PINK1: variants seen among roughly 807,000 people sequenced by gnomAD.
PINK1 encodes the protein PTEN induced kinase 1.
PINK1 carries 58 observed loss-of-function variants against 56.0 expected under a neutral mutation model. That is an observed-to-expected ratio of 1.04 (90% CI 0.84 to 1.29). The LOEUF is 1.29. Ranked by LOEUF, PINK1 falls within the 50% of genes most tolerant of loss-of-function variation. PINK1 has a pLI of 0.00. For synonymous variants in PINK1, 354 were observed against 339.3 expected, an observed-to-expected ratio of 1.04 and a Z score of -0.48; for missense variants, 745 against 777.9, an observed-to-expected ratio of 0.96 and a Z score of 0.50.
At chr1:20,645,748 G>A (rs2053172448) in intron 5 of PINK1, 25 bp downstream of exon 5, 2 of 1,613,884 alleles carry the variant, frequency 1.2e-6, no homozygotes, top group Admixed American at 1.7e-5. Context: ...CACCATCAGA[G>A]CTCTCCAGGG....
rs1412577584 is a variant in PINK1, at chr1:20,645,592, T to C, written c.992T>C (p.Val331Ala). 2 of 1,613,848 alleles carry C rather than the reference T, an allele frequency of 1.2e-6. No homozygotes were observed. Among genetic ancestry groups the C allele is most frequent in the African/African-American group, 1.3e-5 (1 of 74,850 alleles). The part of the protein sequence containing the change: ...YPCTLRQYLC[V>A]NTPSPRLAAM... ...TGTACCCTGCGCCAGTACCTTTGTG[T>C]GAACACACCCAGCCCCCGCCTCGCC... The change falls in exon 5 of 8, where the codon GTG (valine) becomes GCG (alanine). Residue 331 changes from valine (V) to alanine (A), a missense_variant. Coordinates refer to ENST00000321556, the MANE Select transcript of PINK1 (RefSeq NM_032409.3).
At chr1:20,643,185 C>T (rs2053135346) in intron 3 of PINK1, 1 of 152,310 alleles carries the variant, frequency 6.6e-6, no homozygotes, top group African/African-American at 2.4e-5. Context: ...TTCGTCCAAC[C>T]ATCTGGGTCT....
rs760248764 is a variant in PINK1, at chr1:20,645,542, C to G, written c.960-18C>G. ...CGTCGATGTGTGGTAGCCAGAGGCC[C>G]TCTCCCCTCTCCGCCAGCTATCCCT... On this transcript the variant is annotated intron_variant, in intron 4 of 7. Coordinates refer to ENST00000321556, the MANE Select transcript of PINK1 (RefSeq NM_032409.3). 3.1e-6 allele frequency: 5 copies of G among 1,612,132 alleles called. No individual in the cohort carries two copies. The highest frequency in any genetic ancestry group is 4.2e-6 in the Non-Finnish European group (5 of 1,179,720).
intron 7 of PINK1, chr1:20,649,886 A>G (rs1277538879): frequency 5.4e-6 from 1 of 183,940 alleles, no homozygotes; most frequent in African/African-American, 2.3e-5. Flanking sequence ...GATGGAAAAC[A>G]TCTCCTGAGA....
chr1:20,647,659 C>T lies in PINK1; in HGVS notation c.1124-846C>T, dbSNP rs546973979. 4.0e-5 allele frequency among the ~76,000 whole-genome samples: 6 copies of T among 151,000 alleles called. No individual in the cohort carries two copies. The South Asian group carries it at 1.1e-3, about 27-fold the overall frequency. The stretch of plus-strand genomic sequence containing the variant: ...CTGATTTTTGTATTTTTAGTAGAGA[C>T]GGGGTTTCACCATGTTGGTCAGGCT... On this transcript the variant is annotated intron_variant, in intron 5 of 7. Transcript: ENST00000321556.
chr1:20,643,401 C>G (rs955302900), intron 3 of PINK1, among the ~76,000 whole-genome samples: 1 of 152,248 alleles, frequency 6.6e-6, no homozygotes, highest in African/African-American at 2.4e-5. Context: ...GACACTACCA[C>G]TACTAGCTGC....
At position 20,633,708 on chromosome 1, in the gene PINK1, G is replaced by A. The variant is rs748343847; in HGVS notation, c.160G>A (p.Ala54Thr). ...ERPGWAAGPGAEPRRVGLGLP... is the reference protein window; with the variant it reads ...ERPGWAAGPGTEPRRVGLGLP... ...TCCAGGCTGGGCCGCAGGACCGGGC[G>A]CGGAGCCTCGCAGGGTCGGGCTCGG... is the stretch of plus-strand genomic sequence containing the variant. Residue 54 changes from alanine to threonine, a missense_variant, in exon 1 of 8, where the codon GCG (alanine) becomes ACG (threonine). Transcript: ENST00000321556. 1.6e-5 allele frequency: 25 copies of A among 1,518,340 alleles called. 1 individual carries two copies. In the South Asian group the frequency reaches 3.0e-4, roughly 18 times the overall value. The allele number at this position is 1,518,340 out of a possible 1,614,324, so 94.1% of individuals were successfully genotyped here.
intron 5 of PINK1, among the ~76,000 whole-genome samples, chr1:20,646,409 G>A (rs1271366201): frequency 1.3e-5 from 2 of 152,134 alleles, no homozygotes; most frequent in Non-Finnish European, 2.9e-5. Flanking sequence ...ACTTTGAGAG[G>A]CTGAGGCGGG....
At position 20,639,912 on chromosome 1, in the gene PINK1, C is replaced by T. The variant is rs1205162802; in HGVS notation, c.696C>T (p.Ala232=). The change falls in exon 3 of 8, where the codon GCC becomes GCT. Residue 232 remains alanine (A), a synonymous_variant. Transcript: ENST00000321556. The stretch of plus-strand genomic sequence containing the variant: ...TCCAGGCAGGTTCCTCCAGCGAAGC[C>T]ATCTTGAACACAATGAGCCAGGAGC... ...WNISAGSSSE[A]ILNTMSQELV... The T allele has an allele frequency of 9.3e-6, 15 of 1,613,018 alleles. No individual in the cohort carries two copies. Among genetic ancestry groups the T allele is most frequent in the Non-Finnish European group, 1.1e-5 (13 of 1,179,710 alleles).
intron 3 of PINK1, among the ~76,000 whole-genome samples, chr1:20,643,388 G>C (rs1035030394): frequency 2.0e-4 from 30 of 152,266 alleles, no homozygotes; most frequent in African/African-American, 6.8e-4. Flanking sequence ...AGGGCAGGCA[G>C]ATGACACTAC....
intron 2 of PINK1, 158 bp from the exon 3 acceptor site, chr1:20,639,734 T>C: frequency 1.4e-6 from 1 of 703,640 alleles, no homozygotes; most frequent in Non-Finnish European, 2.6e-6. Context: ...CAGGAGTAAC[T>C]AGTCTCAGCC....
chr1:20,651,193 C>T lies in PINK1; in HGVS notation c.*502C>T, dbSNP rs979749634. 5.5e-6 allele frequency: 1 copy of T among 183,460 alleles called. No homozygotes were observed. The highest frequency in any genetic ancestry group is 1.2e-5 in the Non-Finnish European group (1 of 85,362). The allele number at this position is 183,460 out of a possible 1,614,324, so 11.4% of individuals were successfully genotyped here. A position where few individuals can be genotyped will look rare whatever the true frequency, so the allele number is the denominator to read the frequency against. ...GGACCAGCTACTGAATTATTAATCTCACTTAGCGAAAGTGACGGATGAGCA... is the reference window on the plus strand; with the variant it reads ...GGACCAGCTACTGAATTATTAATCTTACTTAGCGAAAGTGACGGATGAGCA... On this transcript the variant is annotated 3_prime_UTR_variant, in exon 8 of 8. Coordinates refer to ENST00000321556, the MANE Select transcript of PINK1 (RefSeq NM_032409.3).
At chr1:20,647,051 T>G (rs2053191219) in intron 5 of PINK1, among the ~76,000 whole-genome samples, 1 of 136,744 alleles carries the variant, frequency 7.3e-6, no homozygotes. Context: ...AGCTAATTTT[T>G]GATTTTTTTT....
intron 5 of PINK1, 71 bp downstream of exon 5, chr1:20,645,794 C>T (rs2053172831): frequency 3.2e-6 from 5 of 1,579,038 alleles, no homozygotes; most frequent in Middle Eastern, 1.9e-4. Flanking sequence ...TTAGGACTGA[C>T]TCTTCAGGTC....
rs777892391 is a variant in PINK1 at position 20,649,050 on chromosome 1, C to A, written c.1307C>A (p.Ala436Asp). The A allele has an allele frequency of 6.2e-7, 1 of 1,614,118 alleles. No homozygotes were observed. The highest frequency in any genetic ancestry group is 8.5e-7 in the Non-Finnish European group (1 of 1,180,050). Reference sequence around the variant, plus strand: ...GTGATTGACTACAGCAAGGCTGATGCCTGGGCAGTGGGAGCCATCGCCTAT... The same window carrying A: ...GTGATTGACTACAGCAAGGCTGATGACTGGGCAGTGGGAGCCATCGCCTAT... ...RAVIDYSKAD[A>D]WAVGAIAYEI... is the part of the protein sequence containing the mutation. The change falls in exon 7 of 8, where the codon GCC becomes GAC. Residue 436 changes from alanine (A) to aspartate (D), a missense_variant. Physicochemically the swap from Ala to Asp is moderately radical, Grantham distance 126 (BLOSUM62 -2). Coordinates refer to ENST00000321556, the MANE Select transcript of PINK1 (RefSeq NM_032409.3).
chr1:20,636,593 C>T (rs1035270675), intron 1 of PINK1, among the ~76,000 whole-genome samples: 1 of 152,180 alleles, frequency 6.6e-6, no homozygotes, highest in African/African-American at 2.4e-5. Flanking sequence ...CCGCCTCCCT[C>T]GGCCTCCCAA....
Position 20,645,704 on chromosome 1 carries a change from C to T in PINK1, c.1104C>T (p.Ile368=), listed in dbSNP as rs1260273956. 6.2e-7 allele frequency: 1 copy of T among 1,614,136 alleles called. No individual in the cohort carries two copies. Among genetic ancestry groups the T allele is most frequent in the African/African-American group, 1.3e-5 (1 of 75,038 alleles). ...ACAGAGACCTGAAATCCGACAACAT[C>T]CTTGTGGAGCTGGACCCAGGTAGGA... ...IAHRDLKSDN[I]LVELDPDGCP... Residue 368 remains isoleucine (I), a synonymous_variant, in exon 5 of 8, where the codon ATC becomes ATT. Coordinates refer to ENST00000321556, the MANE Select transcript of PINK1 (RefSeq NM_032409.3).
Position 20,645,664 on chromosome 1 carries a change from A to G in PINK1, c.1064A>G (p.Gln355Arg). The G allele has an allele frequency of 6.2e-7, 1 of 1,614,122 alleles. No individual in the cohort carries two copies. The highest frequency in any genetic ancestry group is 2.2e-5 in the East Asian group (1 of 44,876). ...QLLEGVDHLV[Q>R]QGIAHRDLKS... is the part of the protein sequence containing the mutation. ...CTGGAAGGCGTGGACCATCTGGTTC[A>G]ACAGGGCATCGCGCACAGAGACCTG... The change falls in exon 5 of 8, where the codon CAA becomes CGA. Residue 355 changes from glutamine to arginine, a missense_variant. By Grantham distance (43) the Gln-to-Arg change is conservative. Transcript: ENST00000321556.
rs1002349413 is a variant in PINK1 at position 20,650,744 on chromosome 1, C to T, written c.*53C>T. ...TAAAAGAACATGGCATCCTCTGTGT[C>T]GTGATGGTCTGTGAATGGTGAGGGT... On this transcript the variant is annotated 3_prime_UTR_variant, in exon 8 of 8. Coordinates refer to ENST00000321556, the MANE Select transcript of PINK1 (RefSeq NM_032409.3). The T allele has an allele frequency of 6.3e-7, 1 of 1,590,494 alleles. No homozygotes were observed. The highest frequency in any genetic ancestry group is 8.5e-7 in the Non-Finnish European group (1 of 1,172,184).
Sources: gnomAD v4.1 joint callset for allele counts (sites outside exome capture counted in the v4.1 genomes callset) on GRCh38, gnomAD v4.1.1 for gene constraint, MANE v1.5 for transcripts, NCBI Gene and HGNC (gene_info 2026-07-23, HGNC 2026-07-21) for gene names.